KHDRBS2: variants seen among roughly 807,000 people sequenced by gnomAD.
The protein encoded by KHDRBS2 is KH RNA binding domain containing, signal transduction associated 2, also known as KH domain-containing, RNA-binding, signal transduction-associated protein 2.
In KHDRBS2, 26 loss-of-function variants were observed where a neutral mutation model predicts 44.3. The ratio of observed to expected loss-of-function variants is 0.59; its 90% CI spans 0.43 to 0.81. The LOEUF (loss-of-function observed/expected upper bound fraction) is 0.81, where lower values mean the gene tolerates loss of function less well. Among genes scored for constraint, KHDRBS2 ranks in the 40% least tolerant of loss-of-function variants. The pLI, the probability that KHDRBS2 is intolerant of heterozygous loss-of-function variation, is 0.00. For missense variants in KHDRBS2, 476 were observed against 433.1 expected, an observed-to-expected ratio of 1.10 and a Z score of -0.88; for synonymous variants, 194 against 151.1, an observed-to-expected ratio of 1.28 and a Z score of -2.08.
chr6:62,226,088 T>C (rs925934626), intron 1 of KHDRBS2, among the ~76,000 whole-genome samples: 3 of 152,192 alleles, frequency 2.0e-5, no homozygotes, highest in Non-Finnish European at 4.4e-5. Flanking sequence ...GTACTTCTGG[T>C]TCTAGATCAT....
At chr6:61,857,012 G>A (rs1221590894) in intron 6 of KHDRBS2, among the ~76,000 whole-genome samples, 1 of 152,094 alleles carries the variant, frequency 6.6e-6, no homozygotes, top group African/African-American at 2.4e-5. Flanking sequence ...TAGCACCAAT[G>A]TGAAGAATGG....
At chr6:61,819,771 A>G (rs1789586226) in intron 6 of KHDRBS2, among the ~76,000 whole-genome samples, 1 of 152,044 alleles carries the variant, frequency 6.6e-6, no homozygotes, top group Admixed American at 6.6e-5. Context: ...GAGATTTGAA[A>G]GAAATAGGCA....
At chr6:62,060,385 TG>T (rs1249503791) in intron 2 of KHDRBS2, among the ~76,000 whole-genome samples, 7 of 151,842 alleles carry the variant, frequency 4.6e-5, no homozygotes, top group African/African-American at 1.7e-4. Context: ...GTTTGAGGAT[TG>T]GAAGACTACA....
intron 4 of KHDRBS2, 67 bp from the exon 5 acceptor site, chr6:61,901,438 A>G: frequency 7.9e-7 from 1 of 1,270,576 alleles, no homozygotes; most frequent in Non-Finnish European, 1.1e-6. Flanking sequence ...GGAAAAAAAA[A>G]AAAAGAAACA....
intron 6 of KHDRBS2, among the ~76,000 whole-genome samples, chr6:61,824,753 TTA>T (rs758449569): frequency 1.3e-5 from 2 of 152,184 alleles, no homozygotes; most frequent in African/African-American, 2.4e-5. Flanking sequence ...TTTCTGTTTG[TTA>T]TAGATAACAG....
At chr6:61,771,912 T>C (rs1377410936) in intron 6 of KHDRBS2, among the ~76,000 whole-genome samples, 1 of 151,984 alleles carries the variant, frequency 6.6e-6, no homozygotes, top group African/African-American at 2.4e-5. Context: ...CCACACCTAC[T>C]CCAAAATTGA....
chr6:62,214,048 A>G (rs1161371030), intron 1 of KHDRBS2, among the ~76,000 whole-genome samples: 3 of 152,190 alleles, frequency 2.0e-5, no homozygotes, highest in African/African-American at 4.8e-5. Context: ...CTAATATTTT[A>G]TCCATGGCAA....
At chr6:61,772,900 T>C (rs1267615043) in intron 6 of KHDRBS2, among the ~76,000 whole-genome samples, 1 of 152,164 alleles carries the variant, frequency 6.6e-6, no homozygotes, top group Admixed American at 6.5e-5. Flanking sequence ...GTTTGGTTTT[T>C]TGTTCTTGCG....
chr6:62,032,060 A>G (rs1206723050), intron 3 of KHDRBS2, among the ~76,000 whole-genome samples: 2 of 152,090 alleles, frequency 1.3e-5, no homozygotes, highest in Non-Finnish European at 2.9e-5. Flanking sequence ...CATGTTTGGG[A>G]GAAAGTAAAG....
rs188422608 is a variant in KHDRBS2, at chr6:62,216,330, C to T, written c.92-39018G>A. On this transcript the variant is annotated intron_variant, in intron 1 of 8. Transcript: ENST00000281156. ...ATATGATCAAGAATAGGTTGATTGA[C>T]ACTTTTGCATAAAACTAATAGTACA... Among the ~76,000 whole-genome samples the T allele has an allele frequency of 2.2e-4, 34 of 151,884 alleles. 1 individual carries two copies. The highest frequency in any genetic ancestry group is 3.5e-4 in the Non-Finnish European group (24 of 67,826).
chr6:61,862,544 A>C (rs146912902), intron 6 of KHDRBS2, among the ~76,000 whole-genome samples: 1,977 of 152,152 alleles, frequency 0.013, 48 homozygotes, highest in African/African-American at 0.045. Flanking sequence ...GTTTAATTTT[A>C]CTGAAGGCCT....
At chr6:61,606,862 T>C in the KHDRBS2 span, among the ~76,000 whole-genome samples, 1 of 152,308 alleles carries the variant, frequency 6.6e-6, no homozygotes, top group Non-Finnish European at 1.5e-5. Flanking sequence ...GCCCTCTAAA[T>C]AGATATCTCA....
At chr6:61,824,488 T>C (rs2127255388) in intron 6 of KHDRBS2, among the ~76,000 whole-genome samples, 1 of 152,244 alleles carries the variant, frequency 6.6e-6, no homozygotes, top group East Asian at 1.9e-4. Flanking sequence ...CCTGTGGAAC[T>C]GTGAGTCAAT....
chr6:61,873,041 C>G (rs1360364456), intron 6 of KHDRBS2, among the ~76,000 whole-genome samples: 1 of 151,974 alleles, frequency 6.6e-6, no homozygotes, highest in Non-Finnish European at 1.5e-5. Context: ...GCTGAATTAA[C>G]CTGGAGGAGA....
chr6:61,876,911 T>G (rs1747485695), intron 6 of KHDRBS2, among the ~76,000 whole-genome samples: 1 of 152,044 alleles, frequency 6.6e-6, no homozygotes, highest in Non-Finnish European at 1.5e-5. Flanking sequence ...GTAAATTTGA[T>G]TCTGATATCT....
intron 6 of KHDRBS2, among the ~76,000 whole-genome samples, chr6:61,773,747 C>A (rs912554052): frequency 6.6e-6 from 1 of 151,518 alleles, no homozygotes; most frequent in African/African-American, 2.4e-5. Flanking sequence ...GTAATGCCTA[C>A]GTTTTCTTCT....
chr6:62,117,050 T>A (rs1370492328), intron 2 of KHDRBS2, among the ~76,000 whole-genome samples: 2 of 152,220 alleles, frequency 1.3e-5, no homozygotes, highest in Admixed American at 6.5e-5. Flanking sequence ...TGAACAGTGC[T>A]GCAATAAATA....
chr6:61,543,590 C>T, the KHDRBS2 span, among the ~76,000 whole-genome samples: 3 of 151,974 alleles, frequency 2.0e-5, no homozygotes, highest in Non-Finnish European at 4.4e-5. Context: ...ATCCACCAAT[C>T]CCACTGCTAG....
In KHDRBS2 at chr6:62,177,190, G is replaced by C; in HGVS notation, c.214C>G (p.Pro72Ala). ...CAAAGTATATATGGTAGTACCTTTG[G>C]ATACTGCTTGACAGGAATCAGTACT... ...ERVLIPVKQY[P>A]KFNFVGKLLG... The change falls in exon 2 of 9, where the codon CCA becomes GCA. Residue 72 changes from proline to alanine, a missense_variant. Physicochemically the swap from Pro to Ala is conservative, Grantham distance 27. Transcript: ENST00000281156. 1 of 1,563,784 alleles carries C rather than the reference G, an allele frequency of 6.4e-7. No homozygotes were observed. Among genetic ancestry groups the C allele is most frequent in the Non-Finnish European group, 8.8e-7 (1 of 1,139,034 alleles).
Sources: allele counts gnomAD v4.1 joint callset (sites outside exome capture counted in the v4.1 genomes callset), GRCh38; gene constraint gnomAD v4.1.1; transcripts MANE v1.5; gene names NCBI Gene and HGNC (gene_info 2026-07-23, HGNC 2026-07-21).